CACNA1D: variants seen among roughly 807,000 people sequenced by gnomAD.
The protein encoded by CACNA1D is calcium voltage-gated channel subunit alpha1 D.
Under a neutral mutation model 257.1 loss-of-function variants are expected in CACNA1D, and 55 were observed. The ratio of observed to expected loss-of-function variants is 0.21; its 90% confidence interval spans 0.17 to 0.27. The LOEUF (loss-of-function observed/expected upper bound fraction) is 0.27. Ranked by LOEUF, CACNA1D falls within the 10% of genes least tolerant of loss-of-function variation. CACNA1D has a pLI of 1.00. For synonymous variants in CACNA1D, 980 were observed against 1,014.9 expected (o/e 0.97, Z 0.65); for missense variants, 1,876 against 2,784.0 (o/e 0.67, Z 7.34).
At chr3:53,652,421 A>G (rs977718764) in intron 4 of CACNA1D, among the ~76,000 whole-genome samples, 7 of 152,180 alleles carry the variant, frequency 4.6e-5, no homozygotes, top group Admixed American at 4.6e-4. Flanking sequence ...ATTTAGAGAA[A>G]GAGCTTCATA....
Position 53,494,846 on chromosome 3 carries a change from A to G in CACNA1D, c.-321A>G, listed in dbSNP as rs1442026768. ...GCGTCTCTCCGCTAGAGGAGGGGACAAGCCAGTTCTCCTTTGCAGCAAAAA... is the reference window on the plus strand; with the variant it reads ...GCGTCTCTCCGCTAGAGGAGGGGACGAGCCAGTTCTCCTTTGCAGCAAAAA... On this transcript the variant is annotated 5_prime_UTR_variant, in exon 1 of 48. Coordinates refer to ENST00000350061, the MANE Select transcript of CACNA1D (RefSeq NM_001128840.3). 9.8e-6 allele frequency: 2 copies of G among 204,676 alleles called. No homozygotes were observed. Among genetic ancestry groups the G allele is most frequent in the Non-Finnish European group, 2.0e-5 (2 of 98,382 alleles). 12.7% of individuals were successfully genotyped at this position (204,676 alleles called of 1,614,324 possible).
chr3:53,619,540 G>A (rs765308026), intron 3 of CACNA1D, among the ~76,000 whole-genome samples: 17 of 152,162 alleles, frequency 1.1e-4, no homozygotes, highest in Non-Finnish European at 2.2e-4. Flanking sequence ...TGGCTAAGCG[G>A]GTGCTGTGGC....
chr3:53,756,933 A>G (rs1451168585), intron 29 of CACNA1D, among the ~76,000 whole-genome samples: 1 of 152,150 alleles, frequency 6.6e-6, no homozygotes, highest in Non-Finnish European at 1.5e-5. Context: ...TTCCCATCTT[A>G]GTCCTTTAAA....
chr3:53,668,264 G>T (rs1170572086), intron 7 of CACNA1D, among the ~76,000 whole-genome samples: 2 of 152,110 alleles, frequency 1.3e-5, no homozygotes, highest in Non-Finnish European at 2.9e-5. Context: ...TATACTTTAT[G>T]TTATATTCCT....
rs148581706 is a variant in CACNA1D, at chr3:53,751,573, G to A, written c.3517-176G>A. 2.8e-4 allele frequency among the ~76,000 whole-genome samples: 42 copies of A among 152,270 alleles called. No individual in the cohort carries two copies. Among genetic ancestry groups the A allele is most frequent in the Non-Finnish European group, 5.3e-4 (36 of 68,026 alleles). On this transcript the variant is annotated intron_variant, in intron 27 of 47. Transcript: ENST00000350061. This position sits in a 1 kb window ranked among gnomAD's most constrained non-coding sequence, Gnocchi z 4.3. ...CGAAGGTAATGGAGGCAGGGCCCTC[G>A]GTGACTCAAGAGTGGTGCCAGCAGC...
intron 3 of CACNA1D, among the ~76,000 whole-genome samples, chr3:53,566,633 CA>C: frequency 6.6e-6 from 1 of 152,180 alleles, no homozygotes; most frequent in Non-Finnish European, 1.5e-5. Flanking sequence ...ACATGTGCCA[CA>C]GCGTGGCACA....
chr3:53,543,118 T>TA (rs1326656087), intron 3 of CACNA1D, among the ~76,000 whole-genome samples: 1 of 120,170 alleles, frequency 8.3e-6, no homozygotes, highest in Admixed American at 7.9e-5. Flanking sequence ...ACAGCAGCAG[T>TA]AAAAAATAAA....
Position 53,740,347 on chromosome 3 carries a change from A to T in CACNA1D, c.2811+8A>T, listed in dbSNP as rs2095103792. On this transcript the variant is annotated splice_region_variant and intron_variant, in intron 21 of 47. Coordinates refer to ENST00000350061, the MANE Select transcript of CACNA1D (RefSeq NM_001128840.3). ...GTTGAGATCCTGTTGAAGGTAATGA[A>T]TTTTCCTTGATCTTCACATACTCCA... The T allele has an allele frequency of 6.3e-7, 1 of 1,591,584 alleles. No individual in the cohort carries two copies.
chr3:53,598,698 G>C (rs2093403183), intron 3 of CACNA1D, among the ~76,000 whole-genome samples: 1 of 152,152 alleles, frequency 6.6e-6, no homozygotes, highest in Admixed American at 6.5e-5. Flanking sequence ...AAGGTCAAGA[G>C]AAAGCCTGGC....
chr3:53,605,233 G>A (rs1355706291), intron 3 of CACNA1D, among the ~76,000 whole-genome samples: 2 of 152,164 alleles, frequency 1.3e-5, no homozygotes, highest in Non-Finnish European at 2.9e-5. Flanking sequence ...CCCATGTAGT[G>A]TGAGACCACC....
At chr3:53,691,873 T>A (rs1441852033) in intron 8 of CACNA1D, among the ~76,000 whole-genome samples, 19 of 44,940 alleles carry the variant, frequency 4.2e-4, no homozygotes, top group African/African-American at 1.2e-3. Flanking sequence ...TTATATATAT[T>A]ACATATAATA....
chr3:53,676,020 T>A (rs1004398003), intron 8 of CACNA1D, among the ~76,000 whole-genome samples: 1 of 152,176 alleles, frequency 6.6e-6, no homozygotes, highest in Non-Finnish European at 1.5e-5. Context: ...GGCCAGTATT[T>A]CCTGAGATCC....
chr3:53,749,301 G>A lies in CACNA1D; in HGVS notation c.3348G>A (p.Glu1116=). The change falls in exon 27 of 48, where the codon GAG becomes GAA. Residue 1116 remains glutamate (E), a synonymous_variant. Transcript: ENST00000350061. ...LLYKAIDSNG[E]NIGPIYNHRV... Reference sequence around the variant, plus strand: ...ATAAAGCCATCGACTCGAATGGAGAGAACATCGGCCCAATCTACAACCACC... The same window carrying A: ...ATAAAGCCATCGACTCGAATGGAGAAAACATCGGCCCAATCTACAACCACC... The A allele has an allele frequency of 6.2e-7, 1 of 1,614,080 alleles. No homozygotes were observed. The highest frequency in any genetic ancestry group is 8.5e-7 in the Non-Finnish European group (1 of 1,179,926).
At chr3:53,656,856 C>T (rs1026760352) in intron 4 of CACNA1D, among the ~76,000 whole-genome samples, 2 of 152,136 alleles carry the variant, frequency 1.3e-5, no homozygotes, top group Admixed American at 1.3e-4. Flanking sequence ...ACTACAGTGA[C>T]AGTACTGCAT....
At chr3:53,626,991 G>C (rs910227580) in intron 3 of CACNA1D, among the ~76,000 whole-genome samples, 3 of 152,234 alleles carry the variant, frequency 2.0e-5, no homozygotes, top group African/African-American at 7.2e-5. Flanking sequence ...TTAGTGAGAA[G>C]GAGGCAGAGG....
In CACNA1D at chr3:53,736,270, G is replaced by A. The variant is rs557356369; in HGVS notation, c.2751+767G>A. Among the ~76,000 whole-genome samples, 4 of 152,216 alleles carry A rather than the reference G, an allele frequency of 2.6e-5. No homozygotes were observed. The East Asian group carries it at 5.8e-4, about 22-fold the overall frequency. Reference sequence around the variant, plus strand: ...GGAGGAGGATCGCTTGGGCCCAGGAGGTCAAAGCTGCAGCAAGCAATGTTT... The same window carrying A: ...GGAGGAGGATCGCTTGGGCCCAGGAAGTCAAAGCTGCAGCAAGCAATGTTT... On this transcript the variant is annotated intron_variant, in intron 20 of 47. Transcript: ENST00000350061.
chr3:53,784,022 C>T (rs1054261688), intron 39 of CACNA1D, among the ~76,000 whole-genome samples: 1 of 152,200 alleles, frequency 6.6e-6, no homozygotes, highest in African/African-American at 2.4e-5. Context: ...TCTTGGGTGG[C>T]TTCGCTAGTG....
intron 3 of CACNA1D, among the ~76,000 whole-genome samples, chr3:53,585,528 A>G (rs1171374670): frequency 6.6e-6 from 1 of 152,168 alleles, no homozygotes; most frequent in Admixed American, 6.6e-5. Context: ...TTACAGCATT[A>G]TCAAAACTTG....
chr3:53,578,120 C>T lies in CACNA1D; in HGVS notation c.484-72659C>T, dbSNP rs956247107. On this transcript the variant is annotated intron_variant, in intron 3 of 47. Transcript: ENST00000350061. ...CCCCTTTCCTGGGGTGTCTGTGGCC[C>T]GTTGGAATGTGTGGTGGGTCAAGTG... Among the ~76,000 whole-genome samples, 9 of 152,152 alleles carry T rather than the reference C, an allele frequency of 5.9e-5. No homozygotes were observed. In the South Asian group the frequency reaches 1.5e-3, roughly 25 times the overall value.
Sources: gnomAD v4.1 joint callset for allele counts (sites outside exome capture counted in the v4.1 genomes callset) on GRCh38, gnomAD v4.1.1 for gene constraint, Gnocchi (gnomAD v3.1) non-coding constraint, MANE v1.5 for transcripts, NCBI Gene and HGNC (gene_info 2026-07-23, HGNC 2026-07-21) for gene names.